Variants in PHACTR2 observed in about 807,000 individuals in gnomAD.
PHACTR2 encodes phosphatase and actin regulator 2, also known as chromosome 6 open reading frame 56.
PHACTR2 carries 30 observed loss-of-function variants against 76.0 expected under a neutral mutation model. That is an observed-to-expected ratio of 0.39 (90% CI 0.30 to 0.54). The LOEUF is 0.54. Ranked by LOEUF, PHACTR2 falls within the 20% of genes least tolerant of loss-of-function variation. The pLI, the probability that PHACTR2 is intolerant of heterozygous loss-of-function variation, is 0.61. For missense variants in PHACTR2, 696 were observed against 781.1 expected (o/e 0.89, Z 1.30); for synonymous variants, 292 against 292.5 (o/e 1.00, Z 0.02).
In PHACTR2 at chr6:143,826,209, G is replaced by T. The variant is rs181933143; in HGVS notation, c.*2520G>T. On this transcript the variant is annotated 3_prime_UTR_variant, in exon 13 of 13. Transcript: ENST00000440869. Reference sequence around the variant, plus strand: ...TTTTGCAGAATATGGTTCTATTTTAGTAGAGCAGAGATGAGACATATCCCC... The same window carrying T: ...TTTTGCAGAATATGGTTCTATTTTATTAGAGCAGAGATGAGACATATCCCC... 45 of 152,290 alleles carry T rather than the reference G, an allele frequency of 3.0e-4. No individual in the cohort carries two copies. The highest frequency in any genetic ancestry group is 9.9e-4 in the African/African-American group (41 of 41,560). 9.4% of individuals were successfully genotyped at this position (152,290 alleles called of 1,614,324 possible).
intron 1 of PHACTR2, among the ~76,000 whole-genome samples, chr6:143,609,476 T>A (rs962354507): frequency 6.6e-6 from 1 of 152,132 alleles, no homozygotes; most frequent in African/African-American, 2.4e-5. Flanking sequence ...TGTGTAGTAG[T>A]AGCAGGAGTG....
intron 1 of PHACTR2, among the ~76,000 whole-genome samples, chr6:143,538,795 G>A (rs919470118): frequency 1.3e-5 from 2 of 152,194 alleles, no homozygotes; most frequent in Non-Finnish European, 1.5e-5. Flanking sequence ...AAGCATTGCC[G>A]TTGTGACTTT....
Position 143,550,579 on chromosome 6 carries a change from T to C in PHACTR2, c.217+13372T>C, listed in dbSNP as rs1775082461. On this transcript the variant is annotated intron_variant, in intron 1 of 11. Coordinates refer to the PHACTR2 transcript ENST00000367584. The surrounding 1 kb of genome is among the most constrained non-coding windows in gnomAD (Gnocchi z 4.8). ...CTTTGAAGGATCTAGAGAGAGAGCA[T>C]GGCTTTAGAACTTTTACCTACAAAA... Among the ~76,000 whole-genome samples the C allele has an allele frequency of 6.6e-6, 1 of 152,062 alleles. No homozygotes were observed. Among genetic ancestry groups the C allele is most frequent in the Non-Finnish European group, 1.5e-5 (1 of 67,994 alleles).
upstream of PHACTR2, among the ~76,000 whole-genome samples, chr6:143,604,705 AACCCATCTCT>A (rs1775848342): frequency 6.6e-6 from 1 of 152,066 alleles, no homozygotes; most frequent in African/African-American, 2.4e-5. Context: ...AACATGGTGA[AACCCATCTCT>A]ACTGAAAATA....
rs532822740 is a variant in PHACTR2, at chr6:143,819,760, C to G, written c.1923-3914C>G. Among the ~76,000 whole-genome samples, 1 of 152,304 alleles carries G rather than the reference C, an allele frequency of 6.6e-6. No homozygotes were observed. The highest frequency in any genetic ancestry group is 1.5e-5 in the Non-Finnish European group (1 of 68,036). On this transcript the variant is annotated intron_variant, in intron 12 of 12. Coordinates refer to ENST00000440869, the MANE Select transcript of PHACTR2 (RefSeq NM_001100164.2). This position sits in a 1 kb window ranked among gnomAD's most constrained non-coding sequence, Gnocchi z 5.0. ...GGCAGATTGGCTGTGGCCACCGACA[C>G]TGAGGGAAGATCTTCCCTACCTAGT...
rs1781125956 is a variant in PHACTR2, at chr6:143,537,231, C to T, written c.217+24C>T. ...AGGTAAGAGCGGCTCGGGGCGCGGGCCGGGGAGGGCCGGCCGCGGGCAGGT... is the reference window on the plus strand; with the variant it reads ...AGGTAAGAGCGGCTCGGGGCGCGGGTCGGGGAGGGCCGGCCGCGGGCAGGT... On this transcript the variant is annotated intron_variant, in intron 1 of 11. Transcript: ENST00000367584. The surrounding 1 kb of genome is among the most constrained non-coding windows in gnomAD (Gnocchi z 4.4). The T allele has an allele frequency of 1.4e-5, 3 of 206,926 alleles. No individual in the cohort carries two copies. Among genetic ancestry groups the T allele is most frequent in the South Asian group, 1.0e-4 (1 of 10,018 alleles). The allele number at this position is 206,926 out of a possible 1,614,324, so 12.8% of individuals were successfully genotyped here.
rs1005958297 is a variant in PHACTR2 at position 143,730,687 on chromosome 6, C to T, written c.215-18298C>T. ...AGCAGTGTTGAAGGAGATATCCATG[C>T]TTTGTTCCTATTCTTAGGGGGAAAG... On this transcript the variant is annotated intron_variant, in intron 2 of 12. Transcript: ENST00000440869. The surrounding 1 kb of genome is among the most constrained non-coding windows in gnomAD (Gnocchi z 4.8). Among the ~76,000 whole-genome samples, 1 of 152,138 alleles carries T rather than the reference C, an allele frequency of 6.6e-6. No individual in the cohort carries two copies. The highest frequency in any genetic ancestry group is 2.4e-5 in the African/African-American group (1 of 41,420).
intron 2 of PHACTR2, among the ~76,000 whole-genome samples, chr6:143,720,764 C>T (rs1430032928): frequency 6.6e-6 from 1 of 152,200 alleles, no homozygotes; most frequent in East Asian, 1.9e-4. Context: ...AGGCATGGAC[C>T]ACCATGCCTG....
At chr6:143,781,262 T>C (rs1441604637) in intron 9 of PHACTR2, among the ~76,000 whole-genome samples, 1 of 152,228 alleles carries the variant, frequency 6.6e-6, no homozygotes, top group Non-Finnish European at 1.5e-5. Flanking sequence ...TTCAATTCCC[T>C]AACTGCATTT....
At chr6:143,699,093 TC>T (rs1414650982) in intron 1 of PHACTR2, among the ~76,000 whole-genome samples, 2 of 152,170 alleles carry the variant, frequency 1.3e-5, no homozygotes, top group African/African-American at 4.8e-5. Flanking sequence ...TGCTGAGTTT[TC>T]CTTCACATTT....
intron 1 of PHACTR2, among the ~76,000 whole-genome samples, chr6:143,612,675 G>T (rs75007719): frequency 3.1e-4 from 47 of 152,116 alleles, no homozygotes; most frequent in South Asian, 2.1e-3. Flanking sequence ...ATATATGTAC[G>T]TATGTGTGGA....
In PHACTR2 at chr6:143,760,947, T is replaced by G. The variant is rs2128472468; in HGVS notation, c.694+307T>G. 6.6e-6 allele frequency among the ~76,000 whole-genome samples: 1 copy of G among 152,320 alleles called. No individual in the cohort carries two copies. Among genetic ancestry groups the G allele is most frequent in the South Asian group, 2.1e-4 (1 of 4,826 alleles). ...TGCCTGATGAATGACAATGATCTGA[T>G]ATAACATTATTTAGACATTGACTGA... On this transcript the variant is annotated intron_variant, in intron 5 of 12. Transcript: ENST00000440869. The surrounding 1 kb of genome is among the most constrained non-coding windows in gnomAD (Gnocchi z 6.4).
chr6:143,595,747 A>G lies in PHACTR2; in HGVS notation c.217+58540A>G, dbSNP rs1316539166. On this transcript the variant is annotated intron_variant, in intron 1 of 11. Coordinates refer to the PHACTR2 transcript ENST00000367584. This position sits in a 1 kb window ranked among gnomAD's most constrained non-coding sequence, Gnocchi z 4.2. ...TTGTTGTTGTTTTTAAAGAGAGAAA[A>G]AAGTGCTGTTAGAATAAAAATAAAG... is the stretch of plus-strand genomic sequence containing the variant. 2.6e-5 allele frequency among the ~76,000 whole-genome samples: 4 copies of G among 152,196 alleles called. No individual in the cohort carries two copies. The highest frequency in any genetic ancestry group is 5.9e-5 in the Non-Finnish European group (4 of 68,040).
rs1775173354 is a variant in PHACTR2 at position 143,556,309 on chromosome 6, T to G, written c.217+19102T>G. Among the ~76,000 whole-genome samples the G allele has an allele frequency of 6.6e-6, 1 of 152,230 alleles. No individual in the cohort carries two copies. On this transcript the variant is annotated intron_variant, in intron 1 of 11. Coordinates refer to the PHACTR2 transcript ENST00000367584. This position sits in a 1 kb window ranked among gnomAD's most constrained non-coding sequence, Gnocchi z 4.3. ...GTATGGACTTTAGGTGTGGGGCATC[T>G]CCAATGCTCCTGCGTGCCAGGCACA... is the stretch of plus-strand genomic sequence containing the variant.
In PHACTR2 at chr6:143,648,449, C is replaced by G. The variant is rs887493009; in HGVS notation, c.13+40127C>G. ...CTGACTGTCTCTGCACTGGGAGTCC[C>G]TGGGAGGGGGGGACGAGGAGGAACA... On this transcript the variant is annotated intron_variant, in intron 1 of 11. Coordinates refer to the PHACTR2 transcript ENST00000305766. This position sits in a 1 kb window ranked among gnomAD's most constrained non-coding sequence, Gnocchi z 6.7. Among the ~76,000 whole-genome samples the G allele has an allele frequency of 2.0e-5, 3 of 152,110 alleles. No homozygotes were observed. Among genetic ancestry groups the G allele is most frequent in the African/African-American group, 7.2e-5 (3 of 41,476 alleles).
At position 143,546,659 on chromosome 6, in the gene PHACTR2, C is replaced by T. The variant is rs953666216; in HGVS notation, c.217+9452C>T. Among the ~76,000 whole-genome samples, 1 of 152,080 alleles carries T rather than the reference C, an allele frequency of 6.6e-6. No individual in the cohort carries two copies. The highest frequency in any genetic ancestry group is 2.4e-5 in the African/African-American group (1 of 41,416). The stretch of plus-strand genomic sequence containing the variant: ...TATTAAACCCCTTTTCTCCAAACTA[C>T]TGGTCATTATAAATCTTTGATTTTT... On this transcript the variant is annotated intron_variant, in intron 1 of 11. Transcript: ENST00000367584. The surrounding 1 kb of genome is among the most constrained non-coding windows in gnomAD (Gnocchi z 4.9).
At chr6:143,643,053 T>A (rs1167586089) in intron 1 of PHACTR2, among the ~76,000 whole-genome samples, 1 of 152,204 alleles carries the variant, frequency 6.6e-6, no homozygotes, top group Non-Finnish European at 1.5e-5. Context: ...TTTCAGGTAG[T>A]TTCATTGTAA....
At chr6:143,714,208 C>G (rs964476833) in intron 2 of PHACTR2, among the ~76,000 whole-genome samples, 1 of 152,166 alleles carries the variant, frequency 6.6e-6, no homozygotes, top group African/African-American at 2.4e-5. Flanking sequence ...ACACCTTAGG[C>G]CAGACCCACA....
intron 2 of PHACTR2, among the ~76,000 whole-genome samples, chr6:143,732,746 T>A (rs1174361027): frequency 6.6e-6 from 1 of 152,216 alleles, no homozygotes. Context: ...CATTTTATAT[T>A]CCTACTAGCA....
Sources: allele counts gnomAD v4.1 joint callset (sites outside exome capture counted in the v4.1 genomes callset), GRCh38; gene constraint gnomAD v4.1.1; non-coding constraint Gnocchi (gnomAD v3.1); transcripts MANE v1.5; gene names NCBI Gene and HGNC (gene_info 2026-07-23, HGNC 2026-07-21).